Variants in TSPAN8 observed in about 807,000 individuals in gnomAD.
The protein encoded by TSPAN8 is tetraspanin-8.
TSPAN8 carries 21 observed loss-of-function variants against 32.8 expected under a neutral mutation model. The ratio of observed to expected loss-of-function variants is 0.64; its 90% CI spans 0.45 to 0.92. The LOEUF (loss-of-function observed/expected upper bound fraction) is 0.92. Ranked by LOEUF, TSPAN8 falls within the 40% of genes least tolerant of loss-of-function variation. The pLI is 0.00. For missense variants in TSPAN8, 269 were observed against 281.9 expected (o/e 0.95, Z 0.33); for synonymous variants, 95 against 94.6 (o/e 1.00, Z -0.03).
chr12:71,144,701 A>G (rs868286892), intron 2 of TSPAN8, among the ~76,000 whole-genome samples: 14 of 152,168 alleles, frequency 9.2e-5, no homozygotes, highest in Admixed American at 3.3e-4. Context: ...AAAGTAAAAC[A>G]TACGACAAGA....
intron 6 of TSPAN8, among the ~76,000 whole-genome samples, chr12:71,133,597 G>C (rs1871588636): frequency 6.6e-6 from 1 of 152,140 alleles, no homozygotes; most frequent in African/African-American, 2.4e-5. Flanking sequence ...CCAAATAGAT[G>C]CTCAAGGAGC....
chr12:71,149,350 A>G (rs892969293), intron 2 of TSPAN8, among the ~76,000 whole-genome samples: 6 of 151,554 alleles, frequency 4.0e-5, no homozygotes, highest in African/African-American at 1.5e-4. Context: ...CCTGGGCAAC[A>G]AGAGCAAAAC....
intron 6 of TSPAN8, among the ~76,000 whole-genome samples, chr12:71,136,844 A>G (rs527783701): frequency 6.6e-6 from 1 of 152,222 alleles, no homozygotes. Context: ...GTTAATGAGG[A>G]TAATGATATT....
At chr12:71,144,100 A>G (rs1439314791) in intron 3 of TSPAN8, 51 bp downstream of exon 3, 1 of 1,486,016 alleles carries the variant, frequency 6.7e-7, no homozygotes, top group South Asian at 1.2e-5. Flanking sequence ...TCATTATTAT[A>G]AATGAAATAA....
chr12:71,126,117 T>C (rs943268867), intron 8 of TSPAN8, among the ~76,000 whole-genome samples: 4 of 152,080 alleles, frequency 2.6e-5, no homozygotes, highest in Admixed American at 2.6e-4. Flanking sequence ...AATAGAAAGT[T>C]TCCTCCCCCA....
At chr12:71,137,402 C>T (rs1022879089) in intron 6 of TSPAN8, among the ~76,000 whole-genome samples, 1 of 152,244 alleles carries the variant, frequency 6.6e-6, no homozygotes. Context: ...AGTTCAAGAC[C>T]AACCTTACCA....
intron 8 of TSPAN8, among the ~76,000 whole-genome samples, chr12:71,125,674 C>T (rs549944033): frequency 1.6e-4 from 25 of 152,214 alleles, no homozygotes; most frequent in African/African-American, 5.5e-4. Context: ...ACCAGAGGAC[C>T]TACTCCCTTT....
chr12:71,142,595 G>A (rs1871935470), intron 3 of TSPAN8, among the ~76,000 whole-genome samples: 1 of 151,916 alleles, frequency 6.6e-6, no homozygotes, highest in Admixed American at 6.6e-5. Context: ...GCACTTCTTG[G>A]GCTCACACAC....
intron 6 of TSPAN8, among the ~76,000 whole-genome samples, chr12:71,134,319 C>A (rs760723655): frequency 6.6e-6 from 1 of 152,048 alleles, no homozygotes; most frequent in Non-Finnish European, 1.5e-5. Flanking sequence ...GCATTGTTAT[C>A]AATGATTTGA....
intron 8 of TSPAN8, among the ~76,000 whole-genome samples, chr12:71,126,305 G>A (rs1871347497): frequency 6.6e-6 from 1 of 152,162 alleles, no homozygotes. Context: ...CCAATTCTCT[G>A]CAAAAGTAAT....
At chr12:71,139,671 G>A in intron 4 of TSPAN8, 40 bp downstream of exon 4, 2 of 1,605,682 alleles carry the variant, frequency 1.2e-6, no homozygotes, top group Middle Eastern at 1.7e-4. Flanking sequence ...ATCCTCTGGA[G>A]TCTGAAGGTT....
chr12:71,150,928 A>C (rs141956379), intron 2 of TSPAN8, among the ~76,000 whole-genome samples: 291 of 152,220 alleles, frequency 1.9e-3, no homozygotes, highest in African/African-American at 6.6e-3. Context: ...GCCACATAGA[A>C]CTGTGAGTCT....
rs573227265 is a variant in TSPAN8 at position 71,157,671 on chromosome 12, C to G, written c.8G>C (p.Gly3Ala). The change falls in exon 2 of 9, where the codon GGT becomes GCT. Residue 3 changes from glycine (G) to alanine (A), a missense_variant. Coordinates refer to ENST00000247829, the MANE Select transcript of TSPAN8 (RefSeq NM_004616.3). MA[G>A]VSACIKYSMF... ...AGAATATTTTATACAGGCACTCACA[C>G]CTGCCATTTCGGAAAAGGATTAGGA... 1.9e-6 allele frequency: 3 copies of G among 1,613,522 alleles called. No homozygotes were observed. The highest frequency in any genetic ancestry group is 2.5e-6 in the Non-Finnish European group (3 of 1,179,474).
In TSPAN8 at chr12:71,140,782, C is replaced by T. The variant is rs181726463; in HGVS notation, c.124-934G>A. On this transcript the variant is annotated intron_variant, in intron 3 of 8. Coordinates refer to ENST00000247829, the MANE Select transcript of TSPAN8 (RefSeq NM_004616.3). Reference sequence around the variant, plus strand: ...CACAATTAAAAAGTAAAGCCTTGTGCGTGTCTTATGCATAAATCCTATATG... The same window carrying T: ...CACAATTAAAAAGTAAAGCCTTGTGTGTGTCTTATGCATAAATCCTATATG... 2.6e-5 allele frequency among the ~76,000 whole-genome samples: 4 copies of T among 152,208 alleles called. No homozygotes were observed. In the East Asian group the frequency reaches 5.8e-4, roughly 22 times the overall value.
intron 3 of TSPAN8, among the ~76,000 whole-genome samples, chr12:71,141,927 T>C (rs1445105133): frequency 6.6e-6 from 1 of 152,144 alleles, no homozygotes; most frequent in Non-Finnish European, 1.5e-5. Context: ...GGGACAAGGA[T>C]GGCTGCTCAT....
At chr12:71,139,983 A>G in intron 3 of TSPAN8, 135 bp from the exon 4 acceptor site, 1 of 314,290 alleles carries the variant, frequency 3.2e-6, no homozygotes, top group African/African-American at 6.2e-5. Context: ...AGTGATCTTA[A>G]AAAGTACAAA....
intron 6 of TSPAN8, among the ~76,000 whole-genome samples, chr12:71,133,062 A>G (rs1871571358): frequency 6.6e-6 from 1 of 152,160 alleles, no homozygotes; most frequent in Non-Finnish European, 1.5e-5. Context: ...AGTTGGGAAG[A>G]TGAAAAACTC....
chr12:71,145,757 T>C (rs1054375627), intron 2 of TSPAN8, among the ~76,000 whole-genome samples: 3 of 152,188 alleles, frequency 2.0e-5, no homozygotes, highest in African/African-American at 7.2e-5. Context: ...TGTTGTTTAG[T>C]TTGTTCACTG....
chr12:71,125,977 T>C (rs1871338797), intron 8 of TSPAN8, among the ~76,000 whole-genome samples: 1 of 152,194 alleles, frequency 6.6e-6, no homozygotes, highest in African/African-American at 2.4e-5. Flanking sequence ...ATCTGGGGCA[T>C]AATTTCCATC....
Sources: allele counts gnomAD v4.1 joint callset (sites outside exome capture counted in the v4.1 genomes callset), GRCh38; gene constraint gnomAD v4.1.1; transcripts MANE v1.5; gene names NCBI Gene and HGNC (gene_info 2026-07-23, HGNC 2026-07-21).